The following SNAPC3 variants were observed in gnomAD, a reference collection of about 807,000 sequenced individuals.
SNAPC3 encodes the protein snRNA-activating protein complex subunit 3.
A neutral mutation model predicts 47.7 loss-of-function variants in SNAPC3; 56 were observed. The observed-to-expected ratio is 1.18, with a 90% confidence interval of 0.95 to 1.47. The LOEUF (loss-of-function observed/expected upper bound fraction) is 1.47. Ranked by LOEUF, SNAPC3 falls within the 40% of genes most tolerant of loss-of-function variation. The probability of loss-of-function intolerance (pLI) is 0.00; values close to 1 mark genes in which losing one functional copy is unlikely to be tolerated. For synonymous variants in SNAPC3, 235 were observed against 189.9 expected, an observed-to-expected ratio of 1.24 and a Z score of -1.95; for missense variants, 665 against 511.3, an observed-to-expected ratio of 1.30 and a Z score of -2.90.
At chr9:15,426,557 C>G (rs998744781) in intron 2 of SNAPC3, among the ~76,000 whole-genome samples, 1 of 152,112 alleles carries the variant, frequency 6.6e-6, no homozygotes, top group African/African-American at 2.4e-5. Flanking sequence ...ATAAATGAAA[C>G]TTTCAGAAGA....
chr9:15,465,680 G>C, downstream of SNAPC3: 1 of 950,900 alleles, frequency 1.1e-6, no homozygotes, highest in African/African-American at 1.7e-5. Context: ...CCCATGAAAA[G>C]ACTGAAACCA....
downstream of SNAPC3, chr9:15,465,702 G>C (rs2035577168): frequency 1.4e-6 from 1 of 728,542 alleles, no homozygotes; most frequent in Admixed American, 3.0e-5. Flanking sequence ...CCAAACAAAA[G>C]AAAAACTTGA....
At chr9:15,430,296 G>A (rs1052317410) in intron 2 of SNAPC3, among the ~76,000 whole-genome samples, 1 of 152,118 alleles carries the variant, frequency 6.6e-6, no homozygotes, top group South Asian at 2.1e-4. Flanking sequence ...GCCAGCTGTG[G>A]TGGCACACAC....
downstream of SNAPC3, chr9:15,463,940 T>TTA: frequency 6.2e-6 from 1 of 162,236 alleles, no homozygotes; most frequent in Non-Finnish European, 1.4e-5. Context: ...TACTGTTTAG[T>TTA]TACCCCGTTT....
chr9:15,434,403 G>A (rs1239169371), intron 3 of SNAPC3, among the ~76,000 whole-genome samples: 2 of 145,126 alleles, frequency 1.4e-5, no homozygotes, highest in African/African-American at 2.5e-5. Flanking sequence ...GTCCTTTTCT[G>A]TATGGCTTTT....
rs2131974115 is a variant in SNAPC3 at position 15,457,973 on chromosome 9, G to A, written c.994G>A (p.Asp332Asn). ...VITDIRLVHH[D>N]DCLDRTLYPL... is the part of the protein sequence containing the mutation. ...CACGAACAAAAGGCTTGTGCATCAT[G>A]ATGACTGCTTGGATAGGACATTGTA... The change falls in exon 8 of 9, where the codon GAT becomes AAT. Residue 332 changes from aspartate to asparagine, a missense_variant. Coordinates refer to ENST00000380821, the MANE Select transcript of SNAPC3 (RefSeq NM_001039697.2). The A allele has an allele frequency of 6.3e-7, 1 of 1,580,544 alleles. No homozygotes were observed. Among genetic ancestry groups the A allele is most frequent in the Admixed American group, 1.9e-5 (1 of 51,328 alleles).
At chr9:15,433,119 T>G (rs1283933661) in intron 2 of SNAPC3, among the ~76,000 whole-genome samples, 1 of 152,142 alleles carries the variant, frequency 6.6e-6, no homozygotes, top group Non-Finnish European at 1.5e-5. Context: ...CAAACCCAAA[T>G]TGAAGGACAT....
intron 2 of SNAPC3, among the ~76,000 whole-genome samples, chr9:15,425,159 A>G (rs1034876073): frequency 6.6e-6 from 1 of 152,170 alleles, no homozygotes; most frequent in Admixed American, 6.5e-5. Flanking sequence ...TCTCTTTCAG[A>G]TGGCTCAGGA....
chr9:15,428,535 T>C (rs1170584156), intron 2 of SNAPC3, among the ~76,000 whole-genome samples: 2 of 150,554 alleles, frequency 1.3e-5, no homozygotes, highest in Non-Finnish European at 3.0e-5. Context: ...AGAAAGCCTA[T>C]AAGTCTGTAC....
chr9:15,458,046 T>G lies in SNAPC3; in HGVS notation c.1067T>G (p.Val356Gly). Residue 356 changes from valine to glycine, a missense_variant, in exon 8 of 9, where the codon GTT becomes GGT. Physicochemically the swap from Val to Gly is moderately radical, Grantham distance 109. Transcript: ENST00000380821. ...TGGCTATGGACCAGAAAATGTTTTG[T>G]TTGTAAAATGTATACAGCCAGGTGA... ...KHWLWTRKCF[V>G]CKMYTARWVT... 6.3e-7 allele frequency: 1 copy of G among 1,582,504 alleles called. No individual in the cohort carries two copies. Among genetic ancestry groups the G allele is most frequent in the Non-Finnish European group, 8.6e-7 (1 of 1,167,214 alleles).
downstream of SNAPC3, chr9:15,464,857 C>G (rs1221240171): frequency 4.8e-6 from 1 of 209,680 alleles, no homozygotes; most frequent in Non-Finnish European, 9.7e-6. Flanking sequence ...AACTAAATTA[C>G]CTTCAAAAAT....
chr9:15,442,552 G>A (rs1242834519), intron 3 of SNAPC3, among the ~76,000 whole-genome samples: 4 of 150,616 alleles, frequency 2.7e-5, no homozygotes, highest in African/African-American at 9.8e-5. Flanking sequence ...CCGGGCAGAG[G>A]CGCTCCTCAC....
downstream of SNAPC3, among the ~76,000 whole-genome samples, chr9:15,466,294 G>A (rs1384132970): frequency 1.3e-5 from 2 of 152,154 alleles, no homozygotes; most frequent in African/African-American, 4.8e-5. Flanking sequence ...CAGGAGAATC[G>A]CTTGAACCCA....
chr9:15,436,940 C>T (rs760219843), intron 3 of SNAPC3, among the ~76,000 whole-genome samples: 11 of 150,644 alleles, frequency 7.3e-5, no homozygotes, highest in Non-Finnish European at 1.6e-4. Context: ...TCTCCTGCCT[C>T]AGCCTCCTGA....
intron 7 of SNAPC3, among the ~76,000 whole-genome samples, chr9:15,454,124 T>G (rs1243969778): frequency 6.6e-6 from 1 of 151,718 alleles, no homozygotes; most frequent in Non-Finnish European, 1.5e-5. Context: ...TCCCAGCTAC[T>G]CAGGTTAAAA....
intron 2 of SNAPC3, among the ~76,000 whole-genome samples, chr9:15,430,223 G>C (rs79380924): frequency 0.012 from 1,826 of 152,266 alleles, 16 homozygotes; most frequent in Non-Finnish European, 0.02. Flanking sequence ...TTGAGCCCTC[G>C]AGTTTGAGAA....
At chr9:15,428,279 G>A (rs16933212) in intron 2 of SNAPC3, among the ~76,000 whole-genome samples, 3,851 of 152,140 alleles carry the variant, frequency 0.025, 150 homozygotes, top group African/African-American at 0.087. Context: ...GCTTGTTGCA[G>A]ATAATCAGGA....
At chr9:15,462,512 A>G (rs962119715), downstream of SNAPC3, 5 of 152,178 alleles carry the variant, frequency 3.3e-5, no homozygotes, top group Non-Finnish European at 7.4e-5. Context: ...TTTCAATCAA[A>G]TGTAACACGC....
Position 15,425,521 on chromosome 9 carries a change from A to G in SNAPC3, c.392+1535A>G, listed in dbSNP as rs111418123. ...GCGTGAGCCGCCACACCTTGCCCAT[A>G]CCACTTTTTTAAAAGCCCAAAGATT... On this transcript the variant is annotated intron_variant, in intron 2 of 8. Transcript: ENST00000380821. Among the ~76,000 whole-genome samples, 10 of 152,196 alleles carry G rather than the reference A, an allele frequency of 6.6e-5. 2 individuals are homozygous for G. Among genetic ancestry groups the G allele is most frequent in the African/African-American group, 1.7e-4 (7 of 41,550 alleles).
Sources: gnomAD v4.1 joint callset for allele counts (sites outside exome capture counted in the v4.1 genomes callset) on GRCh38, gnomAD v4.1.1 for gene constraint, MANE v1.5 for transcripts, NCBI Gene and HGNC (gene_info 2026-07-23, HGNC 2026-07-21) for gene names.